The following PUDP variants were observed in gnomAD, a reference collection of about 807,000 sequenced individuals.
The protein encoded by PUDP is pseudouridine 5'-phosphatase, also known as pseudouridine-5'-phosphatase.
In PUDP, 8 loss-of-function variants were observed where a neutral mutation model predicts 9.4. The observed-to-expected ratio is 0.85, with a 90% CI of 0.50 to 1.53. The LOEUF (loss-of-function observed/expected upper bound fraction) is 1.53. PUDP is among the 40% of genes most tolerant of loss of function. The probability of loss-of-function intolerance (pLI) is 0.00; values close to 1 mark genes in which losing one functional copy is unlikely to be tolerated. For synonymous variants in PUDP, 99 were observed against 80.7 expected (o/e 1.23, Z -1.22); for missense variants, 188 against 189.7 (o/e 0.99, Z 0.05).
chrX:6,951,582 C>G (rs773749846), intron 3 of PUDP, among the ~76,000 whole-genome samples: 2 of 111,487 alleles, frequency 1.8e-5, no homozygotes, highest in East Asian at 5.6e-4. Flanking sequence ...GATAATGACA[C>G]CTGAAACCAT....
chrX:6,937,118 T>C (rs1194649117), intron 3 of PUDP, among the ~76,000 whole-genome samples: 7 of 100,475 alleles, frequency 7.0e-5, no homozygotes, highest in African/African-American at 2.2e-4. Flanking sequence ...CTTCACAGAA[T>C]TGGAAAAAAC....
rs761654221 is a variant in PUDP at position 6,841,908 on chromosome X, TG to T, written c.*247+135224del. Among the ~76,000 whole-genome samples, 577 of 109,943 alleles carry T rather than the reference TG, an allele frequency of 5.2e-3. 1 individual carries two copies. Among genetic ancestry groups the T allele is most frequent in the African/African-American group, 0.018 (532 of 30,182 alleles). Reference sequence around the variant, plus strand: ...CACACATGCCAATTCTGTGTGTGTGTGGGGGGGGTTATGTGTGTGTATGTTT... The same window carrying T: ...CACACATGCCAATTCTGTGTGTGTGTGGGGGGGTTATGTGTGTGTATGTTT... On this transcript the variant is annotated intron_variant and NMD_transcript_variant, in intron 3 of 3. Coordinates refer to the PUDP transcript ENST00000655425.
At chrX:7,010,301 C>T (rs1463731207) in intron 1 of PUDP, among the ~76,000 whole-genome samples, 1 of 111,425 alleles carries the variant, frequency 9.0e-6, no homozygotes, top group Non-Finnish European at 1.9e-5. Context: ...TCTGCATCTT[C>T]ATCCATTCTT....
At chrX:6,817,914 T>C (rs1926277717) in intron 3 of PUDP, among the ~76,000 whole-genome samples, 1 of 111,796 alleles carries the variant, frequency 8.9e-6, no homozygotes, top group East Asian at 2.8e-4. Context: ...ATTTAGAAAA[T>C]GTTATTTGAA....
chrX:7,035,906 T>C lies in PUDP; in HGVS notation c.204+41314A>G, dbSNP rs754517925. Reference sequence around the variant, plus strand: ...AGATCCCTCCCATTGAATAGATTAATGTCCTCTCCTGATGGTGAATGAATT... The same window carrying C: ...AGATCCCTCCCATTGAATAGATTAACGTCCTCTCCTGATGGTGAATGAATT... On this transcript the variant is annotated intron_variant and NMD_transcript_variant, in intron 1 of 3. Transcript: ENST00000655425. 1.5e-4 allele frequency among the ~76,000 whole-genome samples: 17 copies of C among 111,829 alleles called. No individual in the cohort carries two copies. The South Asian group carries it at 6.4e-3, about 42-fold the overall frequency.
intron 3 of PUDP, among the ~76,000 whole-genome samples, chrX:6,768,713 GTTATT>G (rs1462089657): frequency 8.9e-6 from 1 of 112,217 alleles, no homozygotes; most frequent in Non-Finnish European, 1.9e-5. Flanking sequence ...GATTGCTGGA[GTTATT>G]TTAACATTCT....
At chrX:6,802,849 C>T (rs1307097892) in intron 3 of PUDP, among the ~76,000 whole-genome samples, 1 of 106,086 alleles carries the variant, frequency 9.4e-6, no homozygotes, top group East Asian at 2.9e-4. Flanking sequence ...GGTGCCACTG[C>T]ACTCCAGACT....
chrX:7,121,427 T>C (rs180792527), intron 1 of PUDP, among the ~76,000 whole-genome samples: 96 of 112,011 alleles, frequency 8.6e-4, no homozygotes, highest in African/African-American at 3.0e-3. Flanking sequence ...TCTGGGGCAC[T>C]GGTGAGCGCA....
Position 6,847,760 on chromosome X carries a change from T to A in PUDP, c.*247+129373A>T, listed in dbSNP as rs758668339. Reference sequence around the variant, plus strand: ...ACAGCCATTTATTATTCCTCACATATCTCTGTGAATCAGCTGGCATCAGAA... The same window carrying A: ...ACAGCCATTTATTATTCCTCACATAACTCTGTGAATCAGCTGGCATCAGAA... On this transcript the variant is annotated intron_variant and NMD_transcript_variant, in intron 3 of 3. Coordinates refer to the PUDP transcript ENST00000655425. Among the ~76,000 whole-genome samples the A allele has an allele frequency of 8.9e-5, 10 of 111,970 alleles. No homozygotes were observed. The Admixed American group carries it at 9.5e-4, about 11-fold the overall frequency.
At chrX:6,872,386 G>A (rs181651018) in intron 3 of PUDP, among the ~76,000 whole-genome samples, 25 of 111,103 alleles carry the variant, frequency 2.3e-4, no homozygotes, top group Middle Eastern at 4.7e-3. Flanking sequence ...TCATTTTAAC[G>A]TGATTACCTT....
At chrX:6,907,787 GA>G (rs1927790165) in intron 3 of PUDP, among the ~76,000 whole-genome samples, 1 of 111,922 alleles carries the variant, frequency 8.9e-6, no homozygotes, top group Non-Finnish European at 1.9e-5. Context: ...AGCTTCACTG[GA>G]GAGACCAGGA....
At chrX:6,780,613 G>A (rs968559689) in intron 3 of PUDP, among the ~76,000 whole-genome samples, 3 of 111,581 alleles carry the variant, frequency 2.7e-5, no homozygotes, top group African/African-American at 9.8e-5. Context: ...TTGCACCTGA[G>A]TGAGTCCTCA....
At chrX:6,738,312 G>T (rs1228442927) in intron 3 of PUDP, among the ~76,000 whole-genome samples, 1 of 111,527 alleles carries the variant, frequency 9.0e-6, no homozygotes, top group Non-Finnish European at 1.9e-5. Flanking sequence ...TTGGTGCCAT[G>T]CGTGTCGATT....
intron 2 of PUDP, among the ~76,000 whole-genome samples, chrX:7,094,791 C>T (rs894861362): frequency 6.2e-5 from 7 of 112,036 alleles, no homozygotes; most frequent in African/African-American, 9.7e-5. Context: ...ATTTGTTAAA[C>T]GGAAAAGGAA....
At chrX:6,999,719 AC>A (rs1929298698) in intron 1 of PUDP, among the ~76,000 whole-genome samples, 2 of 110,323 alleles carry the variant, frequency 1.8e-5, no homozygotes, top group African/African-American at 6.6e-5. Context: ...CCAAAATCTC[AC>A]AAAGCACCAC....
intron 2 of PUDP, among the ~76,000 whole-genome samples, chrX:7,082,785 G>C (rs1465923316): frequency 5.3e-5 from 6 of 112,511 alleles, no homozygotes; most frequent in African/African-American, 1.9e-4. Context: ...AAGGTGCTTT[G>C]GCATGCTGTC....
chrX:6,807,240 C>T (rs1184172758), intron 3 of PUDP, among the ~76,000 whole-genome samples: 2 of 112,030 alleles, frequency 1.8e-5, no homozygotes, highest in Non-Finnish European at 3.8e-5. Flanking sequence ...ACTCCATGAA[C>T]GTTTAACAGT....
At chrX:7,128,833 G>A (rs948703578) in intron 1 of PUDP, among the ~76,000 whole-genome samples, 21 of 111,181 alleles carry the variant, frequency 1.9e-4, no homozygotes, top group African/African-American at 6.9e-4. Flanking sequence ...ATGATTTTGC[G>A]GATAAAAATC....
intron 3 of PUDP, among the ~76,000 whole-genome samples, chrX:6,804,002 T>C (rs965510364): frequency 1.8e-5 from 2 of 111,819 alleles, no homozygotes; most frequent in African/African-American, 6.5e-5. Context: ...AAGTTCATAT[T>C]TTTTCATTGA....
Sources: gnomAD v4.1 joint callset for allele counts (sites outside exome capture counted in the v4.1 genomes callset) on GRCh38, gnomAD v4.1.1 for gene constraint, MANE v1.5 for transcripts, NCBI Gene and HGNC (gene_info 2026-07-23, HGNC 2026-07-21) for gene names.